SPIDR: variants seen among roughly 807,000 people sequenced by gnomAD.
SPIDR encodes DNA repair-scaffolding protein.
Under a neutral mutation model 104.6 loss-of-function variants are expected in SPIDR, and 93 were observed. The ratio of observed to expected loss-of-function variants is 0.89; its 90% CI spans 0.75 to 1.06. SPIDR has a LOEUF of 1.06. Among genes scored for constraint, SPIDR ranks in the 50% least tolerant of loss-of-function variants. The pLI is 0.00. For synonymous variants in SPIDR, 431 were observed against 416.9 expected (o/e 1.03, Z -0.41); for missense variants, 1,154 against 1,111.2 (o/e 1.04, Z -0.55).
chr8:47,274,530 AG>A (rs1159614942), intron 1 of SPIDR, among the ~76,000 whole-genome samples: 1 of 151,838 alleles, frequency 6.6e-6, no homozygotes, highest in East Asian at 1.9e-4. Flanking sequence ...CTTGATTGAT[AG>A]TTTGGCCGGG....
intron 10 of SPIDR, among the ~76,000 whole-genome samples, chr8:47,612,316 C>T (rs148860787): frequency 6.6e-6 from 1 of 152,190 alleles, no homozygotes. Flanking sequence ...AGCTGAACAT[C>T]TCTGAGGACC....
At chr8:47,346,407 A>G (rs1389134496) in intron 5 of SPIDR, among the ~76,000 whole-genome samples, 1 of 152,178 alleles carries the variant, frequency 6.6e-6, no homozygotes, top group Non-Finnish European at 1.5e-5. Context: ...GATGTTCATC[A>G]GGATGTTGGT....
chr8:47,579,166 A>G (rs2059448718), intron 8 of SPIDR, among the ~76,000 whole-genome samples: 1 of 152,186 alleles, frequency 6.6e-6, no homozygotes. Context: ...AGCAAGCACT[A>G]TTGACATTGC....
chr8:47,280,527 G>A (rs1026300443), intron 2 of SPIDR, among the ~76,000 whole-genome samples: 88 of 151,724 alleles, frequency 5.8e-4, no homozygotes, highest in African/African-American at 2.1e-3. Flanking sequence ...CGAATAGCTT[G>A]GATTACAGGT....
intron 1 of SPIDR, among the ~76,000 whole-genome samples, chr8:47,274,538 C>G (rs1260502253): frequency 1.3e-5 from 2 of 151,454 alleles, no homozygotes; most frequent in Admixed American, 1.3e-4. Flanking sequence ...ATAGTTTGGC[C>G]GGGAATAGAA....
At chr8:47,709,567 T>A (rs1179213425) in intron 14 of SPIDR, among the ~76,000 whole-genome samples, 1 of 152,170 alleles carries the variant, frequency 6.6e-6, no homozygotes, top group African/African-American at 2.4e-5. Flanking sequence ...TGAGCCACCA[T>A]GCCCGGCCAG....
At chr8:47,664,945 T>C (rs991214773) in intron 10 of SPIDR, among the ~76,000 whole-genome samples, 15 of 150,684 alleles carry the variant, frequency 1.0e-4, no homozygotes, top group African/African-American at 3.6e-4. Context: ...GAGAAAAGAA[T>C]GGAGGAAACG....
At position 47,599,051 on chromosome 8, in the gene SPIDR, G is replaced by C; in HGVS notation, c.1399G>C (p.Asp467His). 6.2e-7 allele frequency: 1 copy of C among 1,613,036 alleles called. No homozygotes were observed. Among genetic ancestry groups the C allele is most frequent in the Non-Finnish European group, 8.5e-7 (1 of 1,179,492 alleles). ...CACTCCCCTGAGGGATTCTCTCCTG[G>C]ATGTGGTGGAAAGCCAGGGAGCTGC... The part of the protein sequence containing the change: ...TSTPLRDSLL[D>H]VVESQGAASW... The change falls in exon 10 of 20, where the codon GAT becomes CAT. Residue 467 changes from aspartate (D) to histidine (H), a missense_variant. By Grantham distance (81) the Asp-to-His change is moderately conservative. Coordinates refer to ENST00000297423, the MANE Select transcript of SPIDR (RefSeq NM_001080394.4).
chr8:47,672,969 T>C (rs531744158), intron 10 of SPIDR, among the ~76,000 whole-genome samples: 25 of 152,362 alleles, frequency 1.6e-4, no homozygotes, highest in Admixed American at 3.9e-4. Flanking sequence ...CACTTAAGGC[T>C]CCTGGCTTCA....
chr8:47,333,387 G>A (rs782027262), intron 5 of SPIDR, among the ~76,000 whole-genome samples: 2 of 151,924 alleles, frequency 1.3e-5, no homozygotes, highest in African/African-American at 2.4e-5. Flanking sequence ...CTGCAACCTC[G>A]GCCTCCTGGG....
At chr8:47,628,947 ATTTAAACTTAATTTATT>A (rs2066624975) in intron 10 of SPIDR, among the ~76,000 whole-genome samples, 1 of 152,214 alleles carries the variant, frequency 6.6e-6, no homozygotes, top group Non-Finnish European at 1.5e-5. Flanking sequence ...TGTATCCTCC[ATTTAAACTTAATTTATT>A]TGCAAAAATG....
At chr8:47,632,915 C>T (rs1424585116) in intron 10 of SPIDR, among the ~76,000 whole-genome samples, 1 of 152,164 alleles carries the variant, frequency 6.6e-6, no homozygotes, top group Non-Finnish European at 1.5e-5. Context: ...AGCGGAAGCT[C>T]CCAGGCTGAG....
In SPIDR at chr8:47,454,045, C is replaced by A. The variant is rs181235445; in HGVS notation, c.1097+13503C>A. Among the ~76,000 whole-genome samples, 291 of 152,278 alleles carry A rather than the reference C, an allele frequency of 1.9e-3. 1 individual carries two copies. Among genetic ancestry groups the A allele is most frequent in the African/African-American group, 6.9e-3 (285 of 41,544 alleles). ...GCATTGGTGGGACTGTAAACTGGTT[C>A]AACCATTGTGGAAGACAGTGCAGCA... On this transcript the variant is annotated intron_variant, in intron 8 of 19. Transcript: ENST00000297423.
chr8:47,735,303 G>A lies in SPIDR; in HGVS notation c.2605-4G>A. 8.7e-6 allele frequency: 14 copies of A among 1,613,996 alleles called. No homozygotes were observed. Among genetic ancestry groups the A allele is most frequent in the Non-Finnish European group, 1.2e-5 (14 of 1,179,962 alleles). On this transcript the variant is annotated splice_polypyrimidine_tract_variant and splice_region_variant and intron_variant, in intron 19 of 19. Coordinates refer to ENST00000297423, the MANE Select transcript of SPIDR (RefSeq NM_001080394.4). ...TTTAACCAGCGTGCCTTTTATCACT[G>A]CAGAGCTACGAAGTGAAGAGTGTCC...
At chr8:47,449,396 G>C (rs1298080480) in intron 8 of SPIDR, among the ~76,000 whole-genome samples, 9 of 152,158 alleles carry the variant, frequency 5.9e-5, no homozygotes, top group African/African-American at 2.2e-4. Flanking sequence ...CTGTCAGCTC[G>C]TCTGGGTTTT....
chr8:47,483,658 T>C (rs1554728762), intron 8 of SPIDR, among the ~76,000 whole-genome samples: 1 of 152,240 alleles, frequency 6.6e-6, no homozygotes, highest in Admixed American at 6.5e-5. Flanking sequence ...ATAGGGATTC[T>C]GTGAAGGTTA....
chr8:47,547,208 T>C, intron 8 of SPIDR: 3 of 652,362 alleles, frequency 4.6e-6, no homozygotes, highest in South Asian at 2.8e-5. Context: ...CCCACGAAGA[T>C]TTTTCTCACT....
At chr8:47,546,109 T>G (rs895260494) in intron 8 of SPIDR, among the ~76,000 whole-genome samples, 1 of 152,210 alleles carries the variant, frequency 6.6e-6, no homozygotes, top group Non-Finnish European at 1.5e-5. Flanking sequence ...CCAGCGTAAT[T>G]CTAGGTTCAT....
intron 8 of SPIDR, among the ~76,000 whole-genome samples, chr8:47,556,090 A>G (rs1439180230): frequency 3.3e-5 from 5 of 152,300 alleles, no homozygotes; most frequent in African/African-American, 9.6e-5. Context: ...CTCCTGTTAC[A>G]TTGTCTATTG....
Sources: gnomAD v4.1 joint callset for allele counts (sites outside exome capture counted in the v4.1 genomes callset) on GRCh38, gnomAD v4.1.1 for gene constraint, MANE v1.5 for transcripts, NCBI Gene and HGNC (gene_info 2026-07-23, HGNC 2026-07-21) for gene names.